The following DLG2 variants were observed in gnomAD, a reference collection of about 807,000 sequenced individuals.
The protein encoded by DLG2 is discs large MAGUK scaffold protein 2.
In DLG2, 45 loss-of-function variants were observed where a neutral mutation model predicts 132.5. The observed-to-expected ratio is 0.34, with a 90% confidence interval of 0.27 to 0.44. The LOEUF is 0.44. Among genes scored for constraint, DLG2 ranks in the 20% least tolerant of loss-of-function variants. DLG2 has a pLI of 1.00. For synonymous variants in DLG2, 424 were observed against 419.6 expected (o/e 1.01, Z -0.13); for missense variants, 1,045 against 1,196.9 (o/e 0.87, Z 1.87).
chr11:83,777,423 T>C (rs2094625804), intron 18 of DLG2, among the ~76,000 whole-genome samples: 1 of 152,224 alleles, frequency 6.6e-6, no homozygotes, highest in Non-Finnish European at 1.5e-5. Context: ...CCACTACTTG[T>C]GATTCTGACA....
At chr11:84,655,781 T>C (rs1367254746) in intron 6 of DLG2, among the ~76,000 whole-genome samples, 1 of 151,552 alleles carries the variant, frequency 6.6e-6, no homozygotes, top group Non-Finnish European at 1.5e-5. Flanking sequence ...ATTAAACATA[T>C]GTGCAAGTGC....
chr11:83,668,391 G>A (rs2076101885), intron 18 of DLG2, among the ~76,000 whole-genome samples: 1 of 152,136 alleles, frequency 6.6e-6, no homozygotes, highest in African/African-American at 2.4e-5. Context: ...GACACATCTT[G>A]CTGTTTCATA....
chr11:85,459,530 G>A (rs545133960), intron 3 of DLG2, among the ~76,000 whole-genome samples: 9 of 152,276 alleles, frequency 5.9e-5, no homozygotes, highest in East Asian at 5.8e-4. Flanking sequence ...GAGACATTCC[G>A]TGGGTATGCT....
At chr11:84,089,128 C>A (rs1377513502) in intron 10 of DLG2, among the ~76,000 whole-genome samples, 1 of 152,102 alleles carries the variant, frequency 6.6e-6, no homozygotes, top group Non-Finnish European at 1.5e-5. Context: ...GAGAGGTACT[C>A]TAAGAATTTA....
At chr11:84,121,108 A>G (rs1275527052) in intron 9 of DLG2, among the ~76,000 whole-genome samples, 1 of 152,222 alleles carries the variant, frequency 6.6e-6, no homozygotes, top group East Asian at 1.9e-4. Flanking sequence ...AATAGGTGAC[A>G]TGCTGGATAT....
At chr11:84,218,374 AAGGG>A (rs1408993648) in intron 8 of DLG2, among the ~76,000 whole-genome samples, 3 of 67,672 alleles carry the variant, frequency 4.4e-5, no homozygotes, top group South Asian at 2.1e-3. Context: ...GAAAGGGAGA[AAGGG>A]AGGGAGGGAG....
chr11:84,208,286 C>A (rs552812898), intron 8 of DLG2, among the ~76,000 whole-genome samples: 1 of 152,076 alleles, frequency 6.6e-6, no homozygotes, highest in East Asian at 1.9e-4. Flanking sequence ...TCTCTCAGGA[C>A]CTCTAGAGAC....
chr11:85,206,854 T>A (rs2081932154), intron 4 of DLG2, among the ~76,000 whole-genome samples: 1 of 151,828 alleles, frequency 6.6e-6, no homozygotes, highest in Non-Finnish European at 1.5e-5. Context: ...AAAGCGCATA[T>A]CTTTTTTTTT....
chr11:85,156,566 C>A (rs1365031293), intron 4 of DLG2, among the ~76,000 whole-genome samples: 1 of 152,118 alleles, frequency 6.6e-6, no homozygotes, highest in African/African-American at 2.4e-5. Context: ...TCTTTGGTCC[C>A]ATGAACTATC....
intron 9 of DLG2, among the ~76,000 whole-genome samples, chr11:84,131,985 G>A (rs76640785): frequency 0.078 from 11,780 of 150,846 alleles, 545 homozygotes; most frequent in African/African-American, 0.13. Flanking sequence ...GTTTGAACAC[G>A]TACACACACA....
intron 6 of DLG2, among the ~76,000 whole-genome samples, chr11:84,750,118 AT>A (rs2065914794): frequency 6.6e-6 from 1 of 152,116 alleles, no homozygotes; most frequent in Non-Finnish European, 1.5e-5. Flanking sequence ...AGACTATTAG[AT>A]TTATTTAAAG....
At chr11:84,784,321 AAAATAAATAAATAAATAAATAAATAAAT>A in intron 6 of DLG2, among the ~76,000 whole-genome samples, 1 of 124,488 alleles carries the variant, frequency 8.0e-6, no homozygotes, top group East Asian at 2.2e-4. Context: ...ACTCCACCTC[AAAATAAATAAATAAATAAATAAATAAAT>A]AAATAAATAA....
chr11:83,461,043 T>C (rs1180382850), intron 27 of DLG2, among the ~76,000 whole-genome samples: 3 of 137,310 alleles, frequency 2.2e-5, no homozygotes, highest in African/African-American at 8.4e-5. Context: ...AATTTCACCC[T>C]TGTTGCCCAG....
chr11:85,461,323 A>G (rs2092604829), intron 3 of DLG2, among the ~76,000 whole-genome samples: 2 of 152,256 alleles, frequency 1.3e-5, no homozygotes, highest in Non-Finnish European at 2.9e-5. Flanking sequence ...GAAGAGAGAA[A>G]AGAATACAGT....
intron 3 of DLG2, among the ~76,000 whole-genome samples, chr11:85,392,986 T>G (rs931932814): frequency 2.6e-5 from 4 of 152,142 alleles, no homozygotes; most frequent in African/African-American, 9.7e-5. Flanking sequence ...GGGACTTAAT[T>G]AAACTAAAAA....
intron 6 of DLG2, among the ~76,000 whole-genome samples, chr11:85,006,423 C>G (rs960479588): frequency 3.3e-5 from 5 of 152,260 alleles, no homozygotes; most frequent in African/African-American, 1.2e-4. Flanking sequence ...TTGGCCTATT[C>G]AGGGACACAA....
intron 6 of DLG2, among the ~76,000 whole-genome samples, chr11:84,929,345 C>A (rs1053786062): frequency 1.3e-5 from 2 of 151,758 alleles, no homozygotes; most frequent in African/African-American, 2.4e-5. Context: ...CTACTTACAA[C>A]CATGATAATA....
At chr11:84,784,354 A>T (rs140266450) in intron 6 of DLG2, among the ~76,000 whole-genome samples, 22,127 of 143,830 alleles carry the variant, frequency 0.15, 1,798 homozygotes, top group Admixed American at 0.19. Context: ...ATAAATAAAT[A>T]AATAAATAAA....
chr11:84,853,939 A>G (rs1270613319), intron 6 of DLG2, among the ~76,000 whole-genome samples: 1 of 152,066 alleles, frequency 6.6e-6, no homozygotes, highest in Non-Finnish European at 1.5e-5. Flanking sequence ...AGATGTCTTA[A>G]GGAATCAGTA....
Sources: gnomAD v4.1 joint callset for allele counts (sites outside exome capture counted in the v4.1 genomes callset) on GRCh38, gnomAD v4.1.1 for gene constraint, MANE v1.5 for transcripts, NCBI Gene and HGNC (gene_info 2026-07-23, HGNC 2026-07-21) for gene names.